Variants in JCAD observed in about 807,000 individuals in gnomAD.
JCAD encodes junctional cadherin 5-associated protein.
Under a neutral mutation model 98.0 loss-of-function variants are expected in JCAD, and 40 were observed. The ratio of observed to expected loss-of-function variants is 0.41; its 90% CI spans 0.32 to 0.53. The LOEUF (loss-of-function observed/expected upper bound fraction) is 0.53. JCAD is among the 20% of genes least tolerant of loss of function. The pLI is 0.31. For missense variants in JCAD, 1,705 were observed against 1,738.1 expected (o/e 0.98, Z 0.34); for synonymous variants, 691 against 682.3 (o/e 1.01, Z -0.20).
chr10:30,049,744 T>C (rs1250573568), intron 1 of JCAD, among the ~76,000 whole-genome samples: 1 of 152,118 alleles, frequency 6.6e-6, no homozygotes, highest in East Asian at 1.9e-4. Flanking sequence ...TGGGAGGGAT[T>C]ACAGAGGAAT....
upstream of JCAD, among the ~76,000 whole-genome samples, chr10:30,064,536 A>T (rs998655252): frequency 8.5e-5 from 13 of 152,186 alleles, no homozygotes; most frequent in African/African-American, 3.1e-4. Context: ...AACATTCAAA[A>T]TCCTCTCTTC....
upstream of JCAD, among the ~76,000 whole-genome samples, chr10:30,063,870 T>C (rs1564460368): frequency 6.6e-6 from 1 of 152,024 alleles, no homozygotes; most frequent in Non-Finnish European, 1.5e-5. Flanking sequence ...TGCAGTGTCG[T>C]GATCTCGGCT....
Position 30,104,529 on chromosome 10 carries a change from G to A in JCAD, n.128+10838C>T, listed in dbSNP as rs186582754. Among the ~76,000 whole-genome samples, 667 of 152,222 alleles carry A rather than the reference G, an allele frequency of 4.4e-3. 7 individuals carry two copies. The highest frequency in any genetic ancestry group is 4.2e-3 in the Non-Finnish European group (288 of 68,022). ...AGTGGGAGCTAAACATTGAGTGCTC[G>A]TGGACATAAACATAGGAACAATAGA... On this transcript the variant is annotated intron_variant and non_coding_transcript_variant, in intron 1 of 2. Coordinates refer to the JCAD transcript ENST00000465712.
Position 30,028,242 on chromosome 10 carries a change from C to T in JCAD, c.1906G>A (p.Ala636Thr). 1.2e-6 allele frequency: 2 copies of T among 1,614,186 alleles called. No homozygotes were observed. Among genetic ancestry groups the T allele is most frequent in the Non-Finnish European group, 1.7e-6 (2 of 1,180,044 alleles). ...SMSSTDLELQ[A>T]LTGSMGGRTE... The stretch of plus-strand genomic sequence containing the variant: ...CTCCCACCCATGCTTCCTGTGAGGG[C>T]CTGCAGCTCCAGGTCGGTGGAAGAC... The change falls in exon 3 of 4, where the codon GCC becomes ACC. Residue 636 changes from alanine to threonine, a missense_variant. Physicochemically the swap from Ala to Thr is moderately conservative, Grantham distance 58 (BLOSUM62 0). Around this residue, in one of 3 missense-constraint regions of JCAD, gnomAD observed 1,278 missense variants for 1,243.1 expected, o/e 1.03. Coordinates refer to ENST00000375377, the MANE Select transcript of JCAD (RefSeq NM_020848.4).
chr10:30,061,167 A>G (rs1436245158), upstream of JCAD, among the ~76,000 whole-genome samples: 2 of 152,132 alleles, frequency 1.3e-5, no homozygotes, highest in Non-Finnish European at 2.9e-5. Flanking sequence ...GGGGGTAATG[A>G]TGGTTTGCAT....
chr10:30,051,793 A>C (rs117116831), intron 1 of JCAD, among the ~76,000 whole-genome samples: 716 of 152,260 alleles, frequency 4.7e-3, no homozygotes, highest in Non-Finnish European at 7.6e-3. Context: ...GGGGATAAGA[A>C]AAAAAAGGAA....
Position 30,026,942 on chromosome 10 carries a change from C to T in JCAD, c.3206G>A (p.Gly1069Asp), listed in dbSNP as rs767082065. The change falls in exon 3 of 4, where the codon GGT (glycine) becomes GAT (aspartate). Residue 1069 changes from glycine to aspartate, a missense_variant. Gly to Asp is a moderately conservative substitution (Grantham distance 94). Around this residue, in one of 3 missense-constraint regions of JCAD, gnomAD observed 1,278 missense variants for 1,243.1 expected, o/e 1.03. Coordinates refer to ENST00000375377, the MANE Select transcript of JCAD (RefSeq NM_020848.4). Reference sequence around the variant, plus strand: ...GGGGATTTCTATTGTGCTTGCTTCACCCAAAGACCCCTCTAGCTCACTGGC... The same window carrying T: ...GGGGATTTCTATTGTGCTTGCTTCATCCAAAGACCCCTCTAGCTCACTGGC... Reference protein sequence around the residue: ...QGASELEGSLGEASTIEIPPG... With the variant: ...QGASELEGSLDEASTIEIPPG... The T allele has an allele frequency of 1.2e-6, 2 of 1,614,068 alleles. No homozygotes were observed. Among genetic ancestry groups the T allele is most frequent in the African/African-American group, 1.3e-5 (1 of 74,930 alleles).
chr10:30,040,670 C>T (rs887329410), intron 2 of JCAD, among the ~76,000 whole-genome samples: 2 of 152,196 alleles, frequency 1.3e-5, no homozygotes, highest in African/African-American at 4.8e-5. Flanking sequence ...CCTGAAGGAC[C>T]CTGCAGCTGG....
rs1836478611 is a variant in JCAD at position 30,013,853 on chromosome 10, A to G, written c.*4030T>C. 6.6e-6 allele frequency: 1 copy of G among 152,228 alleles called. No homozygotes were observed. Among genetic ancestry groups the G allele is most frequent in the Non-Finnish European group, 1.5e-5 (1 of 68,056 alleles). The allele number at this position is 152,228 out of a possible 1,614,324, so 9.4% of individuals were successfully genotyped here. On this transcript the variant is annotated 3_prime_UTR_variant, in exon 4 of 4. Coordinates refer to ENST00000375377, the MANE Select transcript of JCAD (RefSeq NM_020848.4). ...CACACAAGTATCGCAGAGGCTTTCCAAGGTCGATGCCAGGAATCTGCAGGA... is the reference window on the plus strand; with the variant it reads ...CACACAAGTATCGCAGAGGCTTTCCGAGGTCGATGCCAGGAATCTGCAGGA...
exon 2 of JCAD, chr10:30,069,730 C>T (rs899370411): frequency 6.6e-6 from 1 of 152,022 alleles, no homozygotes; most frequent in African/African-American, 2.4e-5. Flanking sequence ...GAGGCCAAGG[C>T]AGGAGGATCG....
chr10:30,040,862 G>A (rs1057307470), intron 2 of JCAD, among the ~76,000 whole-genome samples: 3 of 152,128 alleles, frequency 2.0e-5, no homozygotes, highest in African/African-American at 4.8e-5. Flanking sequence ...TTGGACCCCC[G>A]TCTCACATTC....
rs754812033 is a variant in JCAD, at chr10:30,047,631, G to C, written c.182C>G (p.Ala61Gly). The change falls in exon 2 of 4, where the codon GCG becomes GGG. Residue 61 changes from alanine (A) to glycine (G), a missense_variant. By Grantham distance (60) the Ala-to-Gly change is moderately conservative. Around this residue, in one of 3 missense-constraint regions of JCAD, gnomAD observed 152 missense variants for 148.0 expected, o/e 1.03. Coordinates refer to ENST00000375377, the MANE Select transcript of JCAD (RefSeq NM_020848.4). ...GGAGTCACTCACATGTCCTTTCCCC[G>C]CGGACGTCTTACGATGTGCGAGGGC... Reference protein sequence around the residue: ...PAALAHRKTSAGKGHVSDSES... With the variant: ...PAALAHRKTSGGKGHVSDSES... The C allele has an allele frequency of 3.7e-6, 6 of 1,613,998 alleles. No individual in the cohort carries two copies. The African/African-American group carries it at 8.0e-5, about 22-fold the overall frequency.
At chr10:30,037,114 C>T (rs542553697) in intron 2 of JCAD, among the ~76,000 whole-genome samples, 10 of 152,322 alleles carry the variant, frequency 6.6e-5, no homozygotes, top group East Asian at 1.9e-4. Context: ...CTCTTTAGAG[C>T]GACTCACATT....
At position 30,028,618 on chromosome 10, in the gene JCAD, GT is replaced by G; in HGVS notation, c.1529del (p.Asn510ThrfsTer20). 1 of 1,611,708 alleles carries G rather than the reference GT, an allele frequency of 6.2e-7. No individual in the cohort carries two copies. Among genetic ancestry groups the G allele is most frequent in the Non-Finnish European group, 8.5e-7 (1 of 1,178,684 alleles). The stretch of plus-strand genomic sequence containing the variant: ...GGTCTCTCTGGTTGGGGAGGCCACT[GT>G]TTTCCCCATCCCCGGGGGGCTGGCC... ...LWGQPPGDGE[N>X]SGLPNQRDRC... is the part of the protein sequence containing the mutation. On this transcript the variant is annotated frameshift_variant, in exon 3 of 4. Coordinates refer to ENST00000375377, the MANE Select transcript of JCAD (RefSeq NM_020848.4). LOFTEE classifies it high-confidence loss of function.
At chr10:30,078,551 G>C (rs1213154060) in intron 1 of JCAD, among the ~76,000 whole-genome samples, 1 of 152,164 alleles carries the variant, frequency 6.6e-6, no homozygotes, top group African/African-American at 2.4e-5. Context: ...CGGCCATTGT[G>C]GGGCTCACTG....
At chr10:30,024,862 A>T (rs1564440039) in intron 3 of JCAD, among the ~76,000 whole-genome samples, 3 of 151,666 alleles carry the variant, frequency 2.0e-5, no homozygotes, top group African/African-American at 7.3e-5. Context: ...CGCCCAGCTA[A>T]TTTTTTGTAT....
chr10:30,103,079 C>T (rs1351237789), intron 1 of JCAD, among the ~76,000 whole-genome samples: 1 of 152,196 alleles, frequency 6.6e-6, no homozygotes, highest in East Asian at 1.9e-4. Flanking sequence ...AACCATATGA[C>T]TGATTTCTCT....
At chr10:30,110,297 GGACTCATT>G (rs1487271541) in intron 1 of JCAD, among the ~76,000 whole-genome samples, 10 of 151,586 alleles carry the variant, frequency 6.6e-5, no homozygotes, top group Non-Finnish European at 7.4e-5. Context: ...GCTGATGTAT[GGACTCATT>G]GATGTATTGG....
chr10:30,093,518 A>G (rs1263747052), intron 1 of JCAD, among the ~76,000 whole-genome samples: 2 of 152,224 alleles, frequency 1.3e-5, no homozygotes, highest in Non-Finnish European at 2.9e-5. Context: ...GAACAAACTG[A>G]GAAAGAGGCT....
Sources: gnomAD v4.1 joint callset for allele counts (sites outside exome capture counted in the v4.1 genomes callset) on GRCh38, gnomAD v4.1.1 for gene constraint, gnomAD v4.1.1 regional missense constraint, MANE v1.5 for transcripts, NCBI Gene and HGNC (gene_info 2026-07-23, HGNC 2026-07-21) for gene names.